Variants in STPG2 observed in about 807,000 individuals in gnomAD.
STPG2 encodes the protein sperm-tail PG-rich repeat-containing protein 2.
In STPG2, 56 loss-of-function variants were observed where a neutral mutation model predicts 54.2. The observed-to-expected ratio is 1.03, with a 90% confidence interval of 0.83 to 1.29. The LOEUF is 1.29. Ranked by LOEUF, STPG2 falls within the 50% of genes most tolerant of loss-of-function variation. The pLI, the probability that STPG2 is intolerant of heterozygous loss-of-function variation, is 0.00. For missense variants in STPG2, 596 were observed against 544.9 expected (o/e 1.09, Z -0.93); for synonymous variants, 200 against 181.8 (o/e 1.10, Z -0.81).
chr4:97,630,593 A>C (rs1210395998), intron 10 of STPG2, among the ~76,000 whole-genome samples: 3 of 151,910 alleles, frequency 2.0e-5, no homozygotes, highest in Middle Eastern at 3.2e-3. Context: ...TCAGAAGATT[A>C]ATCTGAAATT....
intron 10 of STPG2, among the ~76,000 whole-genome samples, chr4:97,625,016 G>A (rs1435676197): frequency 6.6e-6 from 1 of 152,122 alleles, no homozygotes; most frequent in Non-Finnish European, 1.5e-5. Flanking sequence ...AATGTAGGTG[G>A]CCATATGGAA....
intron 5 of STPG2, among the ~76,000 whole-genome samples, chr4:98,051,076 C>T (rs1737306330): frequency 6.6e-6 from 1 of 151,826 alleles, no homozygotes; most frequent in Admixed American, 6.6e-5. Flanking sequence ...TCTGTCTTCA[C>T]TCCCCATCAA....
intron 10 of STPG2, among the ~76,000 whole-genome samples, chr4:97,566,162 C>T (rs574204250): frequency 1.8e-3 from 278 of 152,300 alleles, no homozygotes; most frequent in African/African-American, 6.3e-3. Context: ...CCCCCAGCCT[C>T]GCTGCCACCT....
intron 4 of STPG2, among the ~76,000 whole-genome samples, chr4:97,471,836 T>C (rs915561444): frequency 6.6e-6 from 1 of 152,236 alleles, no homozygotes; most frequent in African/African-American, 2.4e-5. Context: ...TGAGTGTTTA[T>C]AGATTTATCT....
At chr4:98,095,306 C>T (rs1738821648) in intron 5 of STPG2, among the ~76,000 whole-genome samples, 1 of 152,110 alleles carries the variant, frequency 6.6e-6, no homozygotes, top group Non-Finnish European at 1.5e-5. Flanking sequence ...AAATGGCAGA[C>T]GTCAGTCCTT....
At chr4:97,455,743 T>C (rs1043646768) in intron 4 of STPG2, among the ~76,000 whole-genome samples, 1 of 152,192 alleles carries the variant, frequency 6.6e-6, no homozygotes, top group African/African-American at 2.4e-5. Flanking sequence ...GAGGGTCTAA[T>C]TGAGCTTATA....
At chr4:97,927,244 G>A (rs759937388) in intron 8 of STPG2, among the ~76,000 whole-genome samples, 3 of 151,828 alleles carry the variant, frequency 2.0e-5, no homozygotes, top group Non-Finnish European at 4.4e-5. Context: ...GTGATACAAA[G>A]GTAGCACAAA....
intron 10 of STPG2, among the ~76,000 whole-genome samples, chr4:97,670,165 T>C (rs771547055): frequency 6.6e-6 from 1 of 152,124 alleles, no homozygotes; most frequent in Non-Finnish European, 1.5e-5. Context: ...AGGATTCAAA[T>C]TAGAAATTAT....
At chr4:97,526,720 T>C (rs1176599241) in intron 4 of STPG2, among the ~76,000 whole-genome samples, 1 of 152,130 alleles carries the variant, frequency 6.6e-6, no homozygotes, top group African/African-American at 2.4e-5. Context: ...TTGCCATTGC[T>C]TTTGGTGTTT....
At chr4:98,117,880 A>C (rs1739567301) in intron 3 of STPG2, among the ~76,000 whole-genome samples, 1 of 152,094 alleles carries the variant, frequency 6.6e-6, no homozygotes. Context: ...CTTTGAACAT[A>C]TTTAAAATAG....
chr4:97,679,704 G>A (rs1386887773), intron 10 of STPG2, among the ~76,000 whole-genome samples: 5 of 152,160 alleles, frequency 3.3e-5, no homozygotes, highest in Admixed American at 2.0e-4. Flanking sequence ...CCTTGCCCAT[G>A]CCTATGTCCT....
intron 4 of STPG2, among the ~76,000 whole-genome samples, chr4:97,495,896 T>G (rs1171739578): frequency 1.3e-5 from 2 of 151,640 alleles, no homozygotes; most frequent in Non-Finnish European, 3.0e-5. Flanking sequence ...AAGTAGCTAT[T>G]ATCCACATGA....
Position 97,644,481 on chromosome 4 carries a change from C to T in STPG2, c.1320+68218G>A, listed in dbSNP as rs183778871. Among the ~76,000 whole-genome samples, 630 of 152,018 alleles carry T rather than the reference C, an allele frequency of 4.1e-3. 3 individuals are homozygous for T. Among genetic ancestry groups the T allele is most frequent in the South Asian group, 0.02 (97 of 4,826 alleles). ...TCAACAAATGGATCATTTTTTGTGA[C>T]AAACTGTCTGGAAGTTGTGCTGGAG... On this transcript the variant is annotated intron_variant, in intron 10 of 10. Coordinates refer to ENST00000295268, the MANE Select transcript of STPG2 (RefSeq NM_174952.3).
At chr4:98,047,776 CTTCTGTATTT>C (rs59726616) in intron 5 of STPG2, among the ~76,000 whole-genome samples, 59,638 of 151,708 alleles carry the variant, frequency 0.39, 11,899 homozygotes, top group Middle Eastern at 0.46. Context: ...CCAAAGGAAA[CTTCTGTATTT>C]AAATACAACA....
intron 10 of STPG2, among the ~76,000 whole-genome samples, chr4:97,626,913 T>G (rs1734151308): frequency 1.3e-5 from 2 of 152,154 alleles, no homozygotes; most frequent in Admixed American, 1.3e-4. Context: ...TGGCAAAATT[T>G]CTTACACATT....
At chr4:97,698,563 G>A (rs573072587) in intron 10 of STPG2, among the ~76,000 whole-genome samples, 2 of 152,244 alleles carry the variant, frequency 1.3e-5, no homozygotes, top group African/African-American at 2.4e-5. Flanking sequence ...ATGTAATGTC[G>A]TGAGAACAGG....
intron 9 of STPG2, among the ~76,000 whole-genome samples, chr4:97,788,116 C>G (rs1726881861): frequency 6.6e-6 from 1 of 151,784 alleles, no homozygotes; most frequent in Non-Finnish European, 1.5e-5. Flanking sequence ...TAAAAGTGTA[C>G]AATACATTAT....
chr4:97,609,381 T>A (rs138625562), intron 10 of STPG2, among the ~76,000 whole-genome samples: 54 of 152,126 alleles, frequency 3.5e-4, no homozygotes, highest in Admixed American at 7.9e-4. Context: ...CCTACTTTAA[T>A]CATTCTGGCC....
intron 9 of STPG2, among the ~76,000 whole-genome samples, chr4:97,765,332 A>T (rs1180879238): frequency 6.6e-6 from 1 of 152,110 alleles, no homozygotes; most frequent in Non-Finnish European, 1.5e-5. Flanking sequence ...GGCTGTTCAC[A>T]ATTGCATTAT....
Sources: gnomAD v4.1 joint callset for allele counts (sites outside exome capture counted in the v4.1 genomes callset) on GRCh38, gnomAD v4.1.1 for gene constraint, MANE v1.5 for transcripts, NCBI Gene and HGNC (gene_info 2026-07-23, HGNC 2026-07-21) for gene names.